The following CHST6 variants were observed in gnomAD, a reference collection of about 807,000 sequenced individuals.
CHST6 encodes the protein N-acetylglucosamine 6-O-sulfotransferase 5.
For missense variants in CHST6, 698 were observed against 586.2 expected (o/e 1.19, Z -1.97); for synonymous variants, 309 against 276.4 (o/e 1.12, Z -1.17).
intron 1 of CHST6, among the ~76,000 whole-genome samples, chr16:75,482,672 G>C (rs990733806): frequency 2.6e-5 from 4 of 152,146 alleles, no homozygotes; most frequent in African/African-American, 9.7e-5. Flanking sequence ...TCTCAAGGCT[G>C]GGTGACTTTG....
At chr16:75,482,261 C>T (rs1490484175) in intron 1 of CHST6, among the ~76,000 whole-genome samples, 4 of 152,180 alleles carry the variant, frequency 2.6e-5, no homozygotes, top group Non-Finnish European at 4.4e-5. Flanking sequence ...TTAAGAATGT[C>T]ACATAGGTCG....
intron 1 of CHST6, among the ~76,000 whole-genome samples, chr16:75,491,190 A>ATAT (rs1555501737): frequency 4.8e-4 from 24 of 50,060 alleles, no homozygotes; most frequent in East Asian, 1.5e-3. Context: ...AAAAAAAAAA[A>ATAT]ATATATATAT....
chr16:75,487,193 C>T (rs1412781699), intron 1 of CHST6, among the ~76,000 whole-genome samples: 1 of 152,240 alleles, frequency 6.6e-6, no homozygotes, highest in African/African-American at 2.4e-5. Context: ...ACATCCCTTA[C>T]CATTTCTTGG....
intron 1 of CHST6, among the ~76,000 whole-genome samples, chr16:75,482,160 C>CA (rs989976152): frequency 6.6e-6 from 1 of 152,136 alleles, no homozygotes; most frequent in African/African-American, 2.4e-5. Flanking sequence ...AGTCTCCCCC[C>CA]AGAGGAGACA....
chr16:75,479,059 G>A lies in CHST6; in HGVS notation c.770C>T (p.Thr257Ile), dbSNP rs756336558. Residue 257 changes from threonine (T) to isoleucine (I), a missense_variant, in exon 3 of 3, where the codon ACA (threonine) becomes ATA (isoleucine). Physicochemically the swap from Thr to Ile is moderately conservative, Grantham distance 89. Coordinates refer to ENST00000332272, the MANE Select transcript of CHST6 (RefSeq NM_021615.5). The stretch of plus-strand genomic sequence containing the variant: ...GCGCAGAAAGGGTGGCGGCTTGAGT[G>A]TGGCGGCCTCGGCGATGCGTACGTG... ...RSHVRIAEAATLKPPPFLRGR... is the reference protein window; with the variant it reads ...RSHVRIAEAAILKPPPFLRGR... 9 of 1,607,242 alleles carry A rather than the reference G, an allele frequency of 5.6e-6. No homozygotes were observed. Among genetic ancestry groups the A allele is most frequent in the Non-Finnish European group, 8.5e-7 (1 of 1,179,560 alleles).
In CHST6 at chr16:75,480,162, A is replaced by G. The variant is rs147944261; in HGVS notation, c.-16-318T>C. Among the ~76,000 whole-genome samples the G allele has an allele frequency of 6.0e-3, 914 of 152,164 alleles. 12 individuals are homozygous for G. Among genetic ancestry groups the G allele is most frequent in the African/African-American group, 0.02 (840 of 41,512 alleles). On this transcript the variant is annotated intron_variant, in intron 2 of 2. Transcript: ENST00000332272. ...CTACCTACCCACATTACCATTGTCT[A>G]TTTGGAGAGGGAAATATATTTCAAA...
At chr16:75,491,190 A>AAAAAAAATATATAT (rs1206595857) in intron 1 of CHST6, among the ~76,000 whole-genome samples, 12 of 50,072 alleles carry the variant, frequency 2.4e-4, no homozygotes, top group Non-Finnish European at 3.3e-4. Flanking sequence ...AAAAAAAAAA[A>AAAAAAAATATATAT]ATATATATAT....
chr16:75,488,848 T>C (rs893209827), intron 1 of CHST6, among the ~76,000 whole-genome samples: 9 of 151,294 alleles, frequency 5.9e-5, no homozygotes, highest in African/African-American at 2.2e-4. Context: ...GATCACGCCA[T>C]TGCACTCCAG....
intron 2 of CHST6, 112 bp from the exon 3 acceptor site, chr16:75,479,956 G>T (rs2080121673): frequency 2.3e-6 from 2 of 864,644 alleles, no homozygotes; most frequent in Non-Finnish European, 3.5e-6. Flanking sequence ...AGCATCCCAT[G>T]AACATGATGG....
In CHST6 at chr16:75,493,905, C is replaced by G. The variant is rs566684497; in HGVS notation, c.-92+1035G>C. Among the ~76,000 whole-genome samples the G allele has an allele frequency of 2.5e-3, 386 of 152,228 alleles. 2 individuals carry two copies. Among genetic ancestry groups the G allele is most frequent in the African/African-American group, 9.0e-3 (375 of 41,532 alleles). ...TGTTGTCCAGACTGGAGTGAAGTAC[C>G]GCAATCTCAGCTCACTGCAACCTCC... On this transcript the variant is annotated intron_variant, in intron 1 of 2. Coordinates refer to ENST00000332272, the MANE Select transcript of CHST6 (RefSeq NM_021615.5).
intron 1 of CHST6, among the ~76,000 whole-genome samples, chr16:75,490,203 G>A (rs913221869): frequency 2.7e-5 from 4 of 148,412 alleles, no homozygotes; most frequent in African/African-American, 1.0e-4. Context: ...AAAAGGCCGG[G>A]CACAGTGGCT....
rs536910840 is a variant in CHST6, at chr16:75,486,818, T to C, written c.-91-4927A>G. ...AAGAGTGGTGATTAGATAGTGACAGTGAAACCCTTGGTGGGGTGAGGTGGG... is the reference window on the plus strand; with the variant it reads ...AAGAGTGGTGATTAGATAGTGACAGCGAAACCCTTGGTGGGGTGAGGTGGG... On this transcript the variant is annotated intron_variant, in intron 1 of 2. Coordinates refer to ENST00000332272, the MANE Select transcript of CHST6 (RefSeq NM_021615.5). Among the ~76,000 whole-genome samples, 13 of 152,232 alleles carry C rather than the reference T, an allele frequency of 8.5e-5. 1 individual carries two copies. The East Asian group carries it at 2.3e-3, about 27-fold the overall frequency.
At position 75,491,561 on chromosome 16, in the gene CHST6, C is replaced by T. The variant is rs190204256; in HGVS notation, c.-92+3379G>A. ...ATTTTTTGTATTTTTTAGTAGAGAC[C>T]GGGTTTCACCGTGTTAGCCAGGATG... is the stretch of plus-strand genomic sequence containing the variant. On this transcript the variant is annotated intron_variant, in intron 1 of 2. Coordinates refer to ENST00000332272, the MANE Select transcript of CHST6 (RefSeq NM_021615.5). 5.3e-5 allele frequency among the ~76,000 whole-genome samples: 8 copies of T among 151,832 alleles called. No homozygotes were observed. The East Asian group carries it at 1.6e-3, about 30-fold the overall frequency.
intron 1 of CHST6, 46 bp from the exon 2 acceptor site, chr16:75,481,937 T>C (rs2080146510): frequency 6.7e-6 from 3 of 448,516 alleles, no homozygotes; most frequent in South Asian, 4.8e-5. Context: ...CAGGGGAAGA[T>C]AGCCCCAAAA....
At chr16:75,491,223 TATA>T (rs1236129915) in intron 1 of CHST6, among the ~76,000 whole-genome samples, 3 of 97,138 alleles carry the variant, frequency 3.1e-5, no homozygotes, top group African/African-American at 1.2e-4. Flanking sequence ...ATATATAAAA[TATA>T]ATATACTTAT....
Position 75,478,975 on chromosome 16 carries a change from C to A in CHST6, c.854G>T (p.Arg285Leu). Residue 285 changes from arginine to leucine, a missense_variant, in exon 3 of 3, where the codon CGT becomes CTT. Transcript: ENST00000332272. ...DLAREPLAEI[R>L]ALYAFTGLSL... ...GAGCCCAGTGAAGGCGTAGAGCGCA[C>A]GGATTTCTGCCAGCGGCTCCCGCGC... 1 of 1,612,890 alleles carries A rather than the reference C, an allele frequency of 6.2e-7. No individual in the cohort carries two copies. The highest frequency in any genetic ancestry group is 8.5e-7 in the Non-Finnish European group (1 of 1,179,956).
In CHST6 at chr16:75,479,212, G is replaced by A; in HGVS notation, c.617C>T (p.Ala206Val). 5.6e-6 allele frequency: 9 copies of A among 1,609,744 alleles called. No individual in the cohort carries two copies. The highest frequency in any genetic ancestry group is 7.6e-6 in the Non-Finnish European group (9 of 1,179,364). ...TGTCTGCTCCCGGGAGCGCAGCACG[G>A]CCCGCGGGTCGCGCACCAGGTGCAC... ...RIVHLVRDPR[A>V]VLRSREQTAK... The change falls in exon 3 of 3, where the codon GCC becomes GTC. Residue 206 changes from alanine to valine, a missense_variant. By Grantham distance (64) the Ala-to-Val change is moderately conservative. Coordinates refer to ENST00000332272, the MANE Select transcript of CHST6 (RefSeq NM_021615.5).
chr16:75,494,032 A>T (rs1448550803), intron 1 of CHST6, among the ~76,000 whole-genome samples: 1 of 152,068 alleles, frequency 6.6e-6, no homozygotes, highest in Non-Finnish European at 1.5e-5. Flanking sequence ...TTTAGTAGAG[A>T]TGGGGTTTCA....
At chr16:75,489,791 T>C (rs1359325129) in intron 1 of CHST6, among the ~76,000 whole-genome samples, 1 of 151,758 alleles carries the variant, frequency 6.6e-6, no homozygotes, top group Admixed American at 6.6e-5. Context: ...ATTTAAGAAA[T>C]ATAAGAATAA....
Sources: allele counts gnomAD v4.1 joint callset (sites outside exome capture counted in the v4.1 genomes callset), GRCh38; gene constraint gnomAD v4.1.1; transcripts MANE v1.5; gene names NCBI Gene and HGNC (gene_info 2026-07-23, HGNC 2026-07-21).